GALNT16: variants seen among roughly 807,000 people sequenced by gnomAD.
GALNT16 encodes UDP-GalNAc:polypeptide N-acetylgalactosaminyltransferase-like protein 1.
GALNT16 carries 40 observed loss-of-function variants against 76.1 expected under a neutral mutation model. The observed-to-expected ratio is 0.53, with a 90% CI of 0.41 to 0.68. GALNT16 has a LOEUF of 0.68. Among genes scored for constraint, GALNT16 ranks in the 30% least tolerant of loss-of-function variants. The probability of loss-of-function intolerance (pLI) is 0.00; values close to 1 mark genes in which losing one functional copy is unlikely to be tolerated. For synonymous variants in GALNT16, 276 were observed against 285.2 expected (o/e 0.97, Z 0.32); for missense variants, 621 against 731.9 (o/e 0.85, Z 1.75).
intron 1 of GALNT16, among the ~76,000 whole-genome samples, chr14:69,319,714 G>A (rs1040510942): frequency 1.2e-4 from 18 of 152,222 alleles, no homozygotes; most frequent in Admixed American, 1.0e-3. Flanking sequence ...GAAGGAACGG[G>A]ATGGGCAATG....
chr14:69,262,808 A>G (rs996376335), intron 1 of GALNT16, among the ~76,000 whole-genome samples: 1 of 152,112 alleles, frequency 6.6e-6, no homozygotes, highest in African/African-American at 2.4e-5. Flanking sequence ...GCTGAATGTA[A>G]GTGATGCATG....
At chr14:69,344,288 C>T (rs186605663) in intron 12 of GALNT16, among the ~76,000 whole-genome samples, 61 of 152,382 alleles carry the variant, frequency 4.0e-4, no homozygotes, top group Non-Finnish European at 6.3e-4. Context: ...TCAGGCTGTG[C>T]GTTGCACAAG....
rs2045651351 is a variant in GALNT16, at chr14:69,352,461, C to T, written c.*293C>T. On this transcript the variant is annotated 3_prime_UTR_variant, in exon 15 of 15. Coordinates refer to ENST00000448469, the MANE Select transcript of GALNT16 (RefSeq NM_001168368.2). ...GTGCCCCTGGCCCTTTGTCCTCTCC[C>T]TTGGCGCTTCTTGGGGCTGGGACAA... is the stretch of plus-strand genomic sequence containing the variant. The T allele has an allele frequency of 3.1e-6, 1 of 326,728 alleles. No individual in the cohort carries two copies. The highest frequency in any genetic ancestry group is 6.5e-5 in the South Asian group (1 of 15,320). 20.2% of individuals were successfully genotyped at this position (326,728 alleles called of 1,614,324 possible).
downstream of GALNT16, among the ~76,000 whole-genome samples, chr14:69,360,994 G>C (rs1251853023): frequency 1.3e-5 from 2 of 152,216 alleles, no homozygotes; most frequent in Non-Finnish European, 2.9e-5. Context: ...GAGGGAGAGT[G>C]GGCACTGGGC....
intron 1 of GALNT16, among the ~76,000 whole-genome samples, chr14:69,306,993 A>G (rs1049691245): frequency 2.6e-5 from 4 of 152,210 alleles, no homozygotes; most frequent in African/African-American, 9.6e-5. Flanking sequence ...CTCAACCTCA[A>G]TAAAACACAC....
intron 1 of GALNT16, among the ~76,000 whole-genome samples, chr14:69,310,582 A>G (rs1055384817): frequency 1.3e-5 from 2 of 152,200 alleles, no homozygotes; most frequent in Non-Finnish European, 2.9e-5. Context: ...TGTTTTTACT[A>G]ACAATGTATG....
intron 9 of GALNT16, among the ~76,000 whole-genome samples, chr14:69,334,834 G>A (rs954806936): frequency 5.3e-5 from 8 of 152,114 alleles, no homozygotes; most frequent in African/African-American, 1.9e-4. Flanking sequence ...AAACAGCGAC[G>A]TGGAGACGGG....
At chr14:69,356,908 A>G (rs764879273), downstream of GALNT16, 1 of 152,104 alleles carries the variant, frequency 6.6e-6, no homozygotes, top group Non-Finnish European at 1.5e-5. Flanking sequence ...TTTACCTGTT[A>G]AATGGGGTAC....
At chr14:69,379,701 C>T in the GALNT16 span, among the ~76,000 whole-genome samples, 1 of 152,166 alleles carries the variant, frequency 6.6e-6, no homozygotes, top group Non-Finnish European at 1.5e-5. Context: ...GACTATCTTA[C>T]ACTTTTTTGT....
chr14:69,347,939 C>A lies in GALNT16; in HGVS notation c.1476C>A (p.Thr492=). Residue 492 remains threonine, a synonymous_variant, in exon 14 of 15, where the codon ACC becomes ACA. Coordinates refer to ENST00000448469, the MANE Select transcript of GALNT16 (RefSeq NM_001168368.2). ...GGAAGTGCCTGGCTGCCACCTCCAC[C>A]TTAATGTCCTCCCCTGGATCCCCAG... The part of the protein sequence containing the change: ...QQGKCLAATS[T]LMSSPGSPVI... 2 of 1,614,128 alleles carry A rather than the reference C, an allele frequency of 1.2e-6. No individual in the cohort carries two copies. Among genetic ancestry groups the A allele is most frequent in the Non-Finnish European group, 1.7e-6 (2 of 1,179,988 alleles).
rs777461188 is a variant in GALNT16, at chr14:69,333,642, A to G, written c.967+42A>G. ...TGACAGTGAAAATAACAGTAGCAGT[A>G]ATAACCACAGTTAACCCTGACAGAG... is the stretch of plus-strand genomic sequence containing the variant. On this transcript the variant is annotated intron_variant, in intron 9 of 14. Coordinates refer to ENST00000448469, the MANE Select transcript of GALNT16 (RefSeq NM_001168368.2). This position sits in a 1 kb window ranked among gnomAD's most constrained non-coding sequence, Gnocchi z 4.2. 3.8e-6 allele frequency: 4 copies of G among 1,042,370 alleles called. No homozygotes were observed. The highest frequency in any genetic ancestry group is 2.0e-4 in the Middle Eastern group (1 of 4,952). The allele number at this position is 1,042,370 out of a possible 1,614,324, so 64.6% of individuals were successfully genotyped here.
the GALNT16 span, among the ~76,000 whole-genome samples, chr14:69,375,311 C>A: frequency 2.0e-4 from 31 of 152,268 alleles, 1 homozygote; most frequent in South Asian, 6.4e-3. Context: ...TCTTATAGAC[C>A]ACATATAGTG....
chr14:69,340,173 T>G (rs577189101), intron 11 of GALNT16, among the ~76,000 whole-genome samples: 1 of 152,314 alleles, frequency 6.6e-6, no homozygotes, highest in South Asian at 2.1e-4. Context: ...ATTGTCCTTA[T>G]GAAACTCTTA....
rs567781520 is a variant in GALNT16, at chr14:69,267,897, C to A, written c.177+7430C>A. The stretch of plus-strand genomic sequence containing the variant: ...AACTTCTCCCGCGAAAGTGAGGTGG[C>A]CTTCAGCCAGGGCTTAAGTCCTGAT... On this transcript the variant is annotated intron_variant, in intron 1 of 14. Transcript: ENST00000448469. 3.9e-5 allele frequency among the ~76,000 whole-genome samples: 6 copies of A among 152,192 alleles called. No individual in the cohort carries two copies. In the South Asian group the frequency reaches 1.2e-3, roughly 32 times the overall value.
chr14:69,385,729 G>A, the GALNT16 span, among the ~76,000 whole-genome samples: 4 of 150,528 alleles, frequency 2.7e-5, no homozygotes, highest in East Asian at 7.8e-4. Flanking sequence ...ACTGAAATCT[G>A]TAAGCATTTT....
chr14:69,379,201 A>C, the GALNT16 span, among the ~76,000 whole-genome samples: 1 of 152,070 alleles, frequency 6.6e-6, no homozygotes, highest in African/African-American at 2.4e-5. Context: ...CAACCTCCCA[A>C]AGTGCTGGGA....
intron 1 of GALNT16, among the ~76,000 whole-genome samples, chr14:69,293,786 A>G (rs1007888898): frequency 6.6e-6 from 1 of 152,228 alleles, no homozygotes; most frequent in African/African-American, 2.4e-5. Flanking sequence ...TATAGTAAGC[A>G]TTAGTTATTC....
At chr14:69,274,262 C>A (rs567895234) in intron 1 of GALNT16, among the ~76,000 whole-genome samples, 4 of 152,316 alleles carry the variant, frequency 2.6e-5, no homozygotes, top group Non-Finnish European at 4.4e-5. Flanking sequence ...AATTGTTACA[C>A]AAATTAGTAT....
chr14:69,339,712 C>T, intron 11 of GALNT16, 93 bp downstream of exon 11: 1 of 716,048 alleles, frequency 1.4e-6, no homozygotes, highest in Non-Finnish European at 2.3e-6. Flanking sequence ...AGGGAACCAC[C>T]CGCCACCTCC....
Sources: gnomAD v4.1 joint callset for allele counts (sites outside exome capture counted in the v4.1 genomes callset) on GRCh38, gnomAD v4.1.1 for gene constraint, Gnocchi (gnomAD v3.1) non-coding constraint, MANE v1.5 for transcripts, NCBI Gene and HGNC (gene_info 2026-07-23, HGNC 2026-07-21) for gene names.